PACS1: variants seen among roughly 807,000 people sequenced by gnomAD.
The protein encoded by PACS1 is phosphofurin acidic cluster sorting protein 1.
In PACS1, 24 loss-of-function variants were observed where a neutral mutation model predicts 115.0. The observed-to-expected ratio is 0.21, with a 90% CI of 0.15 to 0.29. The LOEUF (loss-of-function observed/expected upper bound fraction) is 0.29, where lower values mean the gene tolerates loss of function less well. PACS1 is among the 10% of genes least tolerant of loss of function. PACS1 has a pLI of 1.00. For missense variants in PACS1, 838 were observed against 1,251.2 expected (o/e 0.67, Z 4.98); for synonymous variants, 453 against 504.5 (o/e 0.90, Z 1.37).
chr11:66,125,869 G>A (rs919607613), intron 1 of PACS1, among the ~76,000 whole-genome samples: 17 of 151,874 alleles, frequency 1.1e-4, no homozygotes, highest in East Asian at 7.7e-4. Context: ...GTGAAACCTC[G>A]TCTCTACTAA....
chr11:66,236,499 C>A lies in PACS1; in HGVS notation c.2250+559C>A, dbSNP rs532841162. 2.0e-5 allele frequency among the ~76,000 whole-genome samples: 3 copies of A among 152,216 alleles called. No homozygotes were observed. The highest frequency in any genetic ancestry group is 4.4e-5 in the Non-Finnish European group (3 of 68,050). On this transcript the variant is annotated intron_variant, in intron 19 of 23. Transcript: ENST00000320580. This position sits in a 1 kb window ranked among gnomAD's most constrained non-coding sequence, Gnocchi z 4.2. ...GAGGAAGGCTTTCTTCTTTCCTTTT[C>A]TATTTAACCAAGGAGAAATCTCTAT...
At chr11:66,093,736 A>T (rs1246228744) in intron 1 of PACS1, among the ~76,000 whole-genome samples, 2 of 150,378 alleles carry the variant, frequency 1.3e-5, no homozygotes, top group African/African-American at 4.9e-5. Context: ...AAATCAACAG[A>T]ATATACATTT....
At chr11:66,191,146 TC>T (rs1854511020) in intron 1 of PACS1, among the ~76,000 whole-genome samples, 1 of 152,220 alleles carries the variant, frequency 6.6e-6, no homozygotes, top group Admixed American at 6.5e-5. Context: ...TCTTGCCTTT[TC>T]CTGCTTCTTG....
Position 66,070,407 on chromosome 11 carries a change from C to T in PACS1, c.-80C>T, listed in dbSNP as rs943318381. 2.2e-6 allele frequency: 2 copies of T among 889,238 alleles called. No homozygotes were observed. The highest frequency in any genetic ancestry group is 3.5e-5 in the African/African-American group (2 of 56,526). The allele number at this position is 889,238 out of a possible 1,614,324, so 55.1% of individuals were successfully genotyped here. A position where few individuals can be genotyped will look rare whatever the true frequency, so the allele number is the denominator to read the frequency against. ...GGCGGGCTGAGGAGGCTGCCGCGCC[C>T]CCGCCGCCGCCGCCGCGGGGGAAGC... On this transcript the variant is annotated 5_prime_UTR_variant, in exon 1 of 24. Transcript: ENST00000320580. The surrounding 1 kb of genome is among the most constrained non-coding windows in gnomAD (Gnocchi z 5.9).
intron 1 of PACS1, among the ~76,000 whole-genome samples, chr11:66,075,486 C>T (rs1286677257): frequency 1.3e-5 from 2 of 152,180 alleles, no homozygotes; most frequent in Admixed American, 6.5e-5. Context: ...AAGTGATCCT[C>T]CCGCCTCAGT....
At chr11:66,096,658 C>T (rs981613499) in intron 1 of PACS1, among the ~76,000 whole-genome samples, 3 of 151,878 alleles carry the variant, frequency 2.0e-5, no homozygotes, top group Non-Finnish European at 4.4e-5. Flanking sequence ...CATGCGCCAC[C>T]ATGCCTGGCT....
intron 4 of PACS1, among the ~76,000 whole-genome samples, chr11:66,214,684 C>G (rs1390814888): frequency 7.0e-6 from 1 of 143,000 alleles, no homozygotes; most frequent in South Asian, 2.2e-4. Flanking sequence ...TGCAGTGGTG[C>G]AATCACAGCT....
At chr11:66,182,912 G>A (rs910545028) in intron 1 of PACS1, among the ~76,000 whole-genome samples, 1 of 152,130 alleles carries the variant, frequency 6.6e-6, no homozygotes, top group African/African-American at 2.4e-5. Context: ...CGGGCAGATC[G>A]CTTGAACTGG....
At chr11:66,216,905 G>A (rs1167817527) in intron 7 of PACS1, 130 bp downstream of exon 7, 13 of 643,958 alleles carry the variant, frequency 2.0e-5, no homozygotes, top group Non-Finnish European at 3.7e-5. Context: ...CGATTCCAAT[G>A]AACGCTCTAT....
chr11:66,220,576 A>G (rs766512393), intron 8 of PACS1, 55 bp from the exon 9 acceptor site: 29 of 1,598,740 alleles, frequency 1.8e-5, no homozygotes, highest in Non-Finnish European at 2.5e-5. Context: ...CTGCTCATCA[A>G]CCAAAATTGT....
chr11:66,102,075 A>G (rs1857930448), intron 1 of PACS1, among the ~76,000 whole-genome samples: 1 of 152,202 alleles, frequency 6.6e-6, no homozygotes, highest in South Asian at 2.1e-4. Flanking sequence ...GAAGGCATTT[A>G]AAATTTGAAA....
At chr11:66,105,659 T>C (rs1012892053) in intron 1 of PACS1, among the ~76,000 whole-genome samples, 2 of 152,234 alleles carry the variant, frequency 1.3e-5, no homozygotes, top group Admixed American at 6.5e-5. Context: ...ATTTTAAATA[T>C]GTATAAACTT....
At chr11:66,128,436 A>G (rs891455214) in intron 1 of PACS1, among the ~76,000 whole-genome samples, 1 of 152,238 alleles carries the variant, frequency 6.6e-6, no homozygotes, top group Non-Finnish European at 1.5e-5. Flanking sequence ...TTGCTTCAGA[A>G]TAGCCCAGGC....
chr11:66,189,776 A>G (rs1854475142), intron 1 of PACS1, among the ~76,000 whole-genome samples: 1 of 152,238 alleles, frequency 6.6e-6, no homozygotes, highest in Admixed American at 6.5e-5. Context: ...TTTGAAAACA[A>G]GGAAAAACCT....
chr11:66,114,413 G>A (rs1201494803), intron 1 of PACS1, among the ~76,000 whole-genome samples: 1 of 75,770 alleles, frequency 1.3e-5, no homozygotes, highest in Non-Finnish European at 3.1e-5. Flanking sequence ...GCAAGACTCC[G>A]CCTCAAAAAA....
chr11:66,076,798 G>C (rs528092746), intron 1 of PACS1, among the ~76,000 whole-genome samples: 3 of 152,226 alleles, frequency 2.0e-5, no homozygotes, highest in Non-Finnish European at 4.4e-5. Context: ...TCACATTCCG[G>C]AAATTCCGTG....
chr11:66,194,064 C>T (rs901220196), intron 2 of PACS1, among the ~76,000 whole-genome samples: 1 of 152,120 alleles, frequency 6.6e-6, no homozygotes, highest in Non-Finnish European at 1.5e-5. Flanking sequence ...CCCGGGTTCA[C>T]GCCATTCTCC....
chr11:66,238,128 C>T, intron 19 of PACS1: 1 of 985,264 alleles, frequency 1.0e-6, no homozygotes, highest in Non-Finnish European at 1.2e-6. Flanking sequence ...CTGTCCTTTC[C>T]AGAATTCTCT....
chr11:66,185,577 CAGA>C (rs1322055164), intron 1 of PACS1, among the ~76,000 whole-genome samples: 1 of 152,134 alleles, frequency 6.6e-6, no homozygotes, highest in African/African-American at 2.4e-5. Flanking sequence ...AGGGGAGTGA[CAGA>C]GGAGTCTTCA....
Sources: allele counts gnomAD v4.1 joint callset (sites outside exome capture counted in the v4.1 genomes callset), GRCh38; gene constraint gnomAD v4.1.1; non-coding constraint Gnocchi (gnomAD v3.1); transcripts MANE v1.5; gene names NCBI Gene and HGNC (gene_info 2026-07-23, HGNC 2026-07-21).